Variants in COL24A1 observed in about 807,000 individuals in gnomAD.
COL24A1 encodes the protein collagen type XXIV alpha 1 chain.
In COL24A1, 224 loss-of-function variants were observed where a neutral mutation model predicts 253.9. The ratio of observed to expected loss-of-function variants is 0.88; its 90% confidence interval spans 0.79 to 0.99. The LOEUF is 0.99. Ranked by LOEUF, COL24A1 falls within the 50% of genes least tolerant of loss-of-function variation. The pLI, the probability that COL24A1 is intolerant of heterozygous loss-of-function variation, is 0.00. For synonymous variants in COL24A1, 685 were observed against 673.7 expected, an observed-to-expected ratio of 1.02 and a Z score of -0.26; for missense variants, 2,131 against 2,068.5, an observed-to-expected ratio of 1.03 and a Z score of -0.59.
chr1:85,787,103 TTAAG>T (rs780840869), intron 47 of COL24A1, among the ~76,000 whole-genome samples: 22 of 152,176 alleles, frequency 1.4e-4, no homozygotes, highest in East Asian at 9.6e-4. Context: ...TCAGTATGTA[TTAAG>T]TTTTACTGGA....
chr1:85,829,907 CCTT>C (rs1279574485), intron 43 of COL24A1, among the ~76,000 whole-genome samples: 2 of 152,056 alleles, frequency 1.3e-5, no homozygotes, highest in African/African-American at 4.8e-5. Flanking sequence ...TCGTCTGAAG[CCTT>C]CTTCTCTGAG....
intron 47 of COL24A1, among the ~76,000 whole-genome samples, chr1:85,797,307 T>G (rs1255111208): frequency 1.3e-5 from 2 of 151,990 alleles, no homozygotes; most frequent in African/African-American, 2.4e-5. Context: ...ACAGGACTCT[T>G]TGGAGAGAAA....
At chr1:85,914,122 C>T (rs1685630235) in intron 24 of COL24A1, among the ~76,000 whole-genome samples, 1 of 152,164 alleles carries the variant, frequency 6.6e-6, no homozygotes. Context: ...AGGATAAAAA[C>T]ATTCAGTTCA....
intron 43 of COL24A1, among the ~76,000 whole-genome samples, chr1:85,827,761 A>G (rs373610607): frequency 1.4e-4 from 21 of 152,112 alleles, no homozygotes; most frequent in Middle Eastern, 6.8e-3. Flanking sequence ...CTGTGGGATC[A>G]GTGGTGATAT....
chr1:85,745,924 C>A (rs574643144), intron 55 of COL24A1, among the ~76,000 whole-genome samples: 2 of 152,226 alleles, frequency 1.3e-5, no homozygotes, highest in South Asian at 4.1e-4. Flanking sequence ...ATACTACTGT[C>A]CTGAGGTAGT....
intron 35 of COL24A1, among the ~76,000 whole-genome samples, chr1:85,873,975 G>A (rs1680849291): frequency 6.6e-6 from 1 of 152,090 alleles, no homozygotes; most frequent in Admixed American, 6.6e-5. Flanking sequence ...ATTAATTAGT[G>A]CATATTTATA....
chr1:86,076,841 C>T (rs932965533), intron 7 of COL24A1, among the ~76,000 whole-genome samples: 5 of 152,160 alleles, frequency 3.3e-5, no homozygotes, highest in South Asian at 2.1e-4. Flanking sequence ...CAAAAATTAA[C>T]TCAAGATGGA....
At chr1:85,966,331 A>G (rs556986179) in intron 22 of COL24A1, among the ~76,000 whole-genome samples, 55 of 152,290 alleles carry the variant, frequency 3.6e-4, no homozygotes, top group Non-Finnish European at 4.4e-4. Flanking sequence ...CTTGTTAGAC[A>G]TCTAAATGGA....
intron 47 of COL24A1, among the ~76,000 whole-genome samples, chr1:85,803,112 T>C (rs1388249649): frequency 6.6e-6 from 1 of 152,206 alleles, no homozygotes; most frequent in Non-Finnish European, 1.5e-5. Context: ...AGAAATATGT[T>C]AAACATTTTT....
chr1:86,136,413 T>C (rs999989078), intron 2 of COL24A1, among the ~76,000 whole-genome samples: 17 of 143,938 alleles, frequency 1.2e-4, no homozygotes, highest in African/African-American at 4.3e-4. Context: ...ATTTTGGGGA[T>C]TTGCAGATTA....
At chr1:85,869,125 AG>A (rs1344136453) in intron 35 of COL24A1, among the ~76,000 whole-genome samples, 1 of 152,190 alleles carries the variant, frequency 6.6e-6, no homozygotes, top group East Asian at 1.9e-4. Context: ...TGGTAGCTCT[AG>A]AATTTTACAT....
intron 24 of COL24A1, among the ~76,000 whole-genome samples, chr1:85,912,868 C>T (rs1439582485): frequency 6.6e-6 from 1 of 152,310 alleles, no homozygotes; most frequent in Middle Eastern, 3.4e-3. Context: ...AAATAGCTAA[C>T]TAATGATTGC....
chr1:85,806,681 A>C (rs2101840162), intron 47 of COL24A1, among the ~76,000 whole-genome samples: 2 of 151,352 alleles, frequency 1.3e-5, no homozygotes, highest in Middle Eastern at 6.8e-3. Context: ...TGTTCACCAA[A>C]TGTGGTTTGC....
chr1:86,125,038 T>C lies in COL24A1; in HGVS notation c.1298A>G (p.His433Arg). 3.7e-6 allele frequency: 6 copies of C among 1,613,074 alleles called. No homozygotes were observed. The highest frequency in any genetic ancestry group is 4.2e-6 in the Non-Finnish European group (5 of 1,179,560). ...CACAGATGGCTCATTTGTCACTCTATGCAAGCTTGTGTTTAAAATTGGTTG... is the reference window on the plus strand; with the variant it reads ...CACAGATGGCTCATTTGTCACTCTACGCAAGCTTGTGTTTAAAATTGGTTG... ...EMQPILNTSL[H>R]RVTNEPSVDN... The change falls in exon 3 of 60, where the codon CAT becomes CGT. Residue 433 changes from histidine to arginine, a missense_variant. His to Arg is a conservative substitution (Grantham distance 29, BLOSUM62 0). Coordinates refer to ENST00000370571, the MANE Select transcript of COL24A1 (RefSeq NM_152890.7).
chr1:86,107,142 C>T (rs1705059111), intron 5 of COL24A1, among the ~76,000 whole-genome samples: 1 of 152,180 alleles, frequency 6.6e-6, no homozygotes, highest in Non-Finnish European at 1.5e-5. Flanking sequence ...AAGAATTCCT[C>T]ATTGTGTTGG....
chr1:86,045,268 G>T lies in COL24A1; in HGVS notation c.1950+1557C>A, dbSNP rs190520396. 5.1e-3 allele frequency among the ~76,000 whole-genome samples: 775 copies of T among 152,294 alleles called. 3 individuals carry two copies. Among genetic ancestry groups the T allele is most frequent in the Non-Finnish European group, 9.1e-3 (620 of 68,026 alleles). On this transcript the variant is annotated intron_variant, in intron 12 of 59. Coordinates refer to ENST00000370571, the MANE Select transcript of COL24A1 (RefSeq NM_152890.7). ...GCCTCCCAAAGTGCTGGGATTACAG[G>T]TGTGAGCCACCGCGCCCAGCCTTCA... is the stretch of plus-strand genomic sequence containing the variant.
chr1:85,963,291 A>G (rs1030516062), intron 23 of COL24A1, among the ~76,000 whole-genome samples: 1 of 152,202 alleles, frequency 6.6e-6, no homozygotes, highest in Non-Finnish European at 1.5e-5. Flanking sequence ...TAATTTTAAC[A>G]GGCAGTTCAT....
intron 7 of COL24A1, among the ~76,000 whole-genome samples, chr1:86,077,985 TA>T (rs1202606490): frequency 6.6e-6 from 1 of 151,822 alleles, no homozygotes; most frequent in Admixed American, 6.6e-5. Context: ...AGTATAATTT[TA>T]AAAAAATTAA....
intron 5 of COL24A1, among the ~76,000 whole-genome samples, chr1:86,109,920 A>C (rs1438351547): frequency 2.6e-5 from 4 of 152,210 alleles, no homozygotes; most frequent in Admixed American, 2.6e-4. Context: ...AGTTCCTTCC[A>C]TTGTGTGATG....
Sources: gnomAD v4.1 joint callset for allele counts (sites outside exome capture counted in the v4.1 genomes callset) on GRCh38, gnomAD v4.1.1 for gene constraint, MANE v1.5 for transcripts, NCBI Gene and HGNC (gene_info 2026-07-23, HGNC 2026-07-21) for gene names.